Variants in KIF26B observed in about 807,000 individuals in gnomAD.
The protein encoded by KIF26B is kinesin-like protein KIF26B.
A neutral mutation model predicts 151.2 loss-of-function variants in KIF26B; 63 were observed. The observed-to-expected ratio is 0.42, with a 90% CI of 0.34 to 0.51. KIF26B has a LOEUF of 0.51. Among genes scored for constraint, KIF26B ranks in the 20% least tolerant of loss-of-function variants. KIF26B has a pLI of 0.07. For missense variants in KIF26B, 2,813 were observed against 2,913.6 expected (o/e 0.97, Z 0.79); for synonymous variants, 1,357 against 1,262.1 (o/e 1.08, Z -1.59).
chr1:245,366,486 G>A (rs1223302607), intron 2 of KIF26B, among the ~76,000 whole-genome samples: 3 of 150,830 alleles, frequency 2.0e-5, no homozygotes, highest in Non-Finnish European at 2.9e-5. Flanking sequence ...AGCCGAGATC[G>A]TGCCATTGCG....
chr1:245,456,205 T>C (rs1659513754), intron 4 of KIF26B, among the ~76,000 whole-genome samples: 1 of 152,194 alleles, frequency 6.6e-6, no homozygotes, highest in Admixed American at 6.5e-5. Context: ...AACTGAAAAA[T>C]AAATATCCGT....
rs768099890 is a variant in KIF26B, at chr1:245,190,629, G to GTTTTT, written c.465+33950_465+33951insTTTTT. ...CTTTTCCTATAAGTTTTCCCTGAAT[G>GTTTTT]TTTTGTTTTGTTTTTTTTTTTTTTT... On this transcript the variant is annotated intron_variant, in intron 2 of 14. Transcript: ENST00000407071. Among the ~76,000 whole-genome samples the GTTTTT allele has an allele frequency of 6.9e-4, 55 of 80,072 alleles. 2 individuals are homozygous for GTTTTT. The highest frequency in any genetic ancestry group is 2.2e-3 in the African/African-American group (52 of 23,702). 52.5% of individuals were successfully genotyped at this position (80,072 alleles called of 152,430 possible).
intron 9 of KIF26B, among the ~76,000 whole-genome samples, chr1:245,630,274 C>CAT (rs1439795111): frequency 6.6e-6 from 1 of 152,186 alleles, no homozygotes; most frequent in African/African-American, 2.4e-5. Flanking sequence ...TACAAAGACA[C>CAT]ATGCACACAT....
chr1:245,394,284 C>A (rs1458855204), intron 3 of KIF26B, among the ~76,000 whole-genome samples: 1 of 152,144 alleles, frequency 6.6e-6, no homozygotes, highest in Non-Finnish European at 1.5e-5. Flanking sequence ...GTGCTCCATG[C>A]ATGTATTTAA....
intron 2 of KIF26B, among the ~76,000 whole-genome samples, chr1:245,164,811 G>A (rs947233586): frequency 2.6e-5 from 4 of 152,154 alleles, no homozygotes; most frequent in Non-Finnish European, 4.4e-5. Context: ...GGTGGCTCAC[G>A]CCTGTAATCC....
At chr1:245,591,636 A>T (rs2043290146) in intron 5 of KIF26B, among the ~76,000 whole-genome samples, 1 of 152,204 alleles carries the variant, frequency 6.6e-6, no homozygotes, top group African/African-American at 2.4e-5. Flanking sequence ...GTGGGTCATC[A>T]GGCATGCCTC....
chr1:245,344,534 T>C (rs1343079604), intron 2 of KIF26B, among the ~76,000 whole-genome samples: 1 of 148,312 alleles, frequency 6.7e-6, no homozygotes, highest in Non-Finnish European at 1.5e-5. Flanking sequence ...AAATGTATCC[T>C]GTACATGAAT....
intron 4 of KIF26B, among the ~76,000 whole-genome samples, chr1:245,461,423 G>T (rs1378920593): frequency 6.6e-6 from 1 of 151,836 alleles, no homozygotes; most frequent in Non-Finnish European, 1.5e-5. Context: ...CTAGGATTAC[G>T]ATTGCACCCC....
intron 5 of KIF26B, among the ~76,000 whole-genome samples, chr1:245,548,972 C>T (rs1011156288): frequency 3.3e-5 from 5 of 152,108 alleles, no homozygotes; most frequent in Non-Finnish European, 5.9e-5. Context: ...CAACTCCTGA[C>T]GTCAGGTGAT....
chr1:245,687,927 C>T lies in KIF26B; in HGVS notation c.4944C>T (p.Ala1648=). The T allele has an allele frequency of 6.3e-7, 1 of 1,588,838 alleles. No individual in the cohort carries two copies. Among genetic ancestry groups the T allele is most frequent in the Admixed American group, 1.8e-5 (1 of 57,008 alleles). ...AGCCTAGCGGCAAGACGAAGGACGC[C>T]AGCAGCAGCAGCAAGCTCTTCAGTG... ...PDEPSGKTKD[A]SSSSKLFSAK... is the part of the protein sequence containing the mutation. The change falls in exon 12 of 15, where the codon GCC becomes GCT. Residue 1648 remains alanine, a synonymous_variant. Transcript: ENST00000407071. This position sits in a 1 kb window ranked among gnomAD's most constrained non-coding sequence, Gnocchi z 4.9.
chr1:245,378,962 G>A (rs1268620189), intron 3 of KIF26B, among the ~76,000 whole-genome samples: 1 of 152,278 alleles, frequency 6.6e-6, no homozygotes, highest in Admixed American at 6.5e-5. Flanking sequence ...GACACATGGC[G>A]ACTTCTCCGT....
rs542177923 is a variant in KIF26B, at chr1:245,170,496, C to T, written c.465+13813C>T. Among the ~76,000 whole-genome samples the T allele has an allele frequency of 7.2e-5, 11 of 152,182 alleles. No homozygotes were observed. Among genetic ancestry groups the T allele is most frequent in the Non-Finnish European group, 1.2e-4 (8 of 68,036 alleles). ...TAGAGGGCAAATGTCTTAGCCAATT[C>T]ATGCTGCTATAACAAAATACCACGA... is the stretch of plus-strand genomic sequence containing the variant. On this transcript the variant is annotated intron_variant, in intron 2 of 14. Transcript: ENST00000407071. This position sits in a 1 kb window ranked among gnomAD's most constrained non-coding sequence, Gnocchi z 4.4.
intron 2 of KIF26B, among the ~76,000 whole-genome samples, chr1:245,338,050 C>T (rs1672269788): frequency 6.6e-6 from 1 of 152,176 alleles, no homozygotes; most frequent in African/African-American, 2.4e-5. Context: ...TGGTTTGGGG[C>T]AAACAACTTT....
intron 2 of KIF26B, among the ~76,000 whole-genome samples, chr1:245,361,978 C>T (rs1332476854): frequency 6.6e-6 from 1 of 151,676 alleles, no homozygotes; most frequent in Admixed American, 6.6e-5. Context: ...TGATTGGTTC[C>T]TGGCTTCCCT....
rs1188933053 is a variant in KIF26B at position 245,460,598 on chromosome 1, T to A, written c.1166+40853T>A. ...AAAAGAAAGATTTCAGAGATGTCAG[T>A]TTGGGAAGGTCCTTGAAAAGTCACT... is the stretch of plus-strand genomic sequence containing the variant. On this transcript the variant is annotated intron_variant, in intron 4 of 14. Transcript: ENST00000407071. 3.3e-5 allele frequency among the ~76,000 whole-genome samples: 5 copies of A among 152,194 alleles called. No homozygotes were observed. The South Asian group carries it at 1.0e-3, about 31-fold the overall frequency.
At chr1:245,491,545 A>G (rs147335379) in intron 4 of KIF26B, among the ~76,000 whole-genome samples, 14 of 152,356 alleles carry the variant, frequency 9.2e-5, no homozygotes, top group African/African-American at 3.1e-4. Flanking sequence ...AGCGGGAAAC[A>G]CTGGCCTCTG....
At chr1:245,257,638 T>C (rs1251393771) in intron 2 of KIF26B, among the ~76,000 whole-genome samples, 1 of 152,064 alleles carries the variant, frequency 6.6e-6, no homozygotes, top group Non-Finnish European at 1.5e-5. Context: ...ACAGGAGAAA[T>C]AGCTTCCCAC....
chr1:245,395,318 T>C (rs1256784352), intron 3 of KIF26B, among the ~76,000 whole-genome samples: 1 of 152,216 alleles, frequency 6.6e-6, no homozygotes, highest in Non-Finnish European at 1.5e-5. Flanking sequence ...CTTGATTTGC[T>C]TGATTTGGTT....
intron 4 of KIF26B, among the ~76,000 whole-genome samples, chr1:245,492,564 C>T (rs1344292333): frequency 2.6e-5 from 4 of 152,154 alleles, no homozygotes; most frequent in South Asian, 2.1e-4. Flanking sequence ...AAAACAAAGG[C>T]GGCACGCCAG....
Sources: allele counts gnomAD v4.1 joint callset (sites outside exome capture counted in the v4.1 genomes callset), GRCh38; gene constraint gnomAD v4.1.1; non-coding constraint Gnocchi (gnomAD v3.1); transcripts MANE v1.5; gene names NCBI Gene and HGNC (gene_info 2026-07-23, HGNC 2026-07-21).